Variants in CCDC88C observed in about 807,000 individuals in gnomAD.
CCDC88C encodes coiled-coil and HOOK domain protein 88C, also known as protein Daple.
A neutral mutation model predicts 198.8 loss-of-function variants in CCDC88C; 131 were observed. The observed-to-expected ratio is 0.66, with a 90% CI of 0.57 to 0.76. The LOEUF is 0.76. Ranked by LOEUF, CCDC88C falls within the 30% of genes least tolerant of loss-of-function variation. CCDC88C has a pLI of 0.00. For synonymous variants in CCDC88C, 1,166 were observed against 1,114.7 expected, an observed-to-expected ratio of 1.05 and a Z score of -0.92; for missense variants, 2,553 against 2,631.6, an observed-to-expected ratio of 0.97 and a Z score of 0.65.
At chr14:91,290,462 C>T (rs1385323016) in intron 24 of CCDC88C, among the ~76,000 whole-genome samples, 1 of 152,258 alleles carries the variant, frequency 6.6e-6, no homozygotes, top group African/African-American at 2.4e-5. Context: ...CAAGGGGCAG[C>T]ACTGCTAGGG....
intron 3 of CCDC88C, among the ~76,000 whole-genome samples, chr14:91,365,638 C>CT (rs1399432563): frequency 6.6e-6 from 1 of 152,174 alleles, no homozygotes; most frequent in African/African-American, 2.4e-5. Context: ...CAACAAGGTA[C>CT]TCAGCTCAAG....
intron 20 of CCDC88C, among the ~76,000 whole-genome samples, chr14:91,301,948 G>A (rs1891313323): frequency 6.6e-6 from 1 of 152,158 alleles, no homozygotes; most frequent in Admixed American, 6.5e-5. Context: ...GGGAAGACGA[G>A]GGAGAGATCA....
At chr14:91,376,786 C>T (rs1042776639) in intron 3 of CCDC88C, among the ~76,000 whole-genome samples, 1 of 152,298 alleles carries the variant, frequency 6.6e-6, no homozygotes, top group African/African-American at 2.4e-5. Context: ...GCTGGCTGCC[C>T]ACGACACCCA....
chr14:91,406,560 C>T (rs2140010046), intron 3 of CCDC88C, among the ~76,000 whole-genome samples: 1 of 152,364 alleles, frequency 6.6e-6, no homozygotes, highest in East Asian at 1.9e-4. Context: ...TCCCCAACTG[C>T]CCGCACGCAG....
At chr14:91,336,231 G>A (rs1257928164) in intron 10 of CCDC88C, among the ~76,000 whole-genome samples, 1 of 152,226 alleles carries the variant, frequency 6.6e-6, no homozygotes, top group Non-Finnish European at 1.5e-5. Context: ...CACAGCTTGT[G>A]TGTTTCTAGA....
chr14:91,417,410 G>A (rs1486153200), intron 1 of CCDC88C: 2 of 571,734 alleles, frequency 3.5e-6, no homozygotes, highest in Non-Finnish European at 6.1e-6. Context: ...CGAAAGCGCG[G>A]CGGGGTCCCG....
At chr14:91,365,032 G>A (rs2139914804) in intron 3 of CCDC88C, among the ~76,000 whole-genome samples, 1 of 152,248 alleles carries the variant, frequency 6.6e-6, no homozygotes, top group African/African-American at 2.4e-5. Flanking sequence ...CCCATGCTGG[G>A]TGGTGGGGCC....
rs150637648 is a variant in CCDC88C, at chr14:91,316,069, G to A, written c.1528-282C>T. 5.0e-3 allele frequency among the ~76,000 whole-genome samples: 762 copies of A among 152,296 alleles called. 2 individuals are homozygous for A. Among genetic ancestry groups the A allele is most frequent in the Middle Eastern group, 0.02 (6 of 294 alleles). ...GAGGCCGCCACCGCTGGGTGCCCTC[G>A]GGGGTTTCACACGCACCCAGCTTCC... On this transcript the variant is annotated intron_variant, in intron 13 of 29. Coordinates refer to ENST00000389857, the MANE Select transcript of CCDC88C (RefSeq NM_001080414.4).
intron 4 of CCDC88C, among the ~76,000 whole-genome samples, chr14:91,347,533 A>G (rs1232253203): frequency 4.6e-5 from 7 of 152,218 alleles, no homozygotes; most frequent in African/African-American, 1.4e-4. Flanking sequence ...GGACATGAAC[A>G]GACACTTCTC....
rs771414384 is a variant in CCDC88C at position 91,308,437 on chromosome 14, T to C, written c.2920A>G (p.Met974Val). 3 of 1,613,890 alleles carry C rather than the reference T, an allele frequency of 1.9e-6. No homozygotes were observed. The highest frequency in any genetic ancestry group is 2.2e-5 in the South Asian group (2 of 91,094). Residue 974 changes from methionine to valine, a missense_variant, in exon 17 of 30, where the codon ATG becomes GTG. Transcript: ENST00000389857. ...NESALKTTLAMKEEKIVLLEA... is the reference protein window; with the variant it reads ...NESALKTTLAVKEEKIVLLEA... ...AAGAGCACAATCTTTTCTTCTTTCATGGCTAGTGTTGTTTTTAATGCTGAT... is the reference window on the plus strand; with the variant it reads ...AAGAGCACAATCTTTTCTTCTTTCACGGCTAGTGTTGTTTTTAATGCTGAT...
intron 13 of CCDC88C, among the ~76,000 whole-genome samples, chr14:91,317,909 G>C (rs1405024990): frequency 6.6e-6 from 1 of 152,256 alleles, no homozygotes. Context: ...ACAGGGCAGA[G>C]AGATGCCTGG....
At chr14:91,332,026 T>C (rs530624918) in intron 10 of CCDC88C, among the ~76,000 whole-genome samples, 32 of 152,118 alleles carry the variant, frequency 2.1e-4, no homozygotes, top group Middle Eastern at 3.4e-3. Context: ...TCTCTGCCCC[T>C]GAGTGCAGAC....
intron 23 of CCDC88C, among the ~76,000 whole-genome samples, chr14:91,292,362 G>A (rs200643373): frequency 3.4e-5 from 5 of 148,564 alleles, no homozygotes; most frequent in East Asian, 4.0e-4. Context: ...ATGCAAAAAC[G>A]TCATCAAATA....
At chr14:91,392,982 C>T (rs111922792) in intron 3 of CCDC88C, among the ~76,000 whole-genome samples, 190 of 152,266 alleles carry the variant, frequency 1.2e-3, no homozygotes, top group African/African-American at 4.4e-3. Context: ...AGGAAAGGTG[C>T]TGGGGAAGGA....
At position 91,313,244 on chromosome 14, in the gene CCDC88C, T is replaced by C. The variant is rs1442126015; in HGVS notation, c.2572A>G (p.Ser858Gly). Residue 858 changes from serine to glycine, a missense_variant, in exon 15 of 30, where the codon AGC becomes GGC. Coordinates refer to ENST00000389857, the MANE Select transcript of CCDC88C (RefSeq NM_001080414.4). This position sits in a 1 kb window ranked among gnomAD's most constrained non-coding sequence, Gnocchi z 5.2. ...VELKDAVLDD[S>G]TAKLSAVEKE... ...TCAACGGCGGACAGTTTGGCAGTGC[T>C]ATCGTCCAAGACTGCATCCTTGAGC... The C allele has an allele frequency of 9.3e-6, 15 of 1,614,012 alleles. No homozygotes were observed. Among genetic ancestry groups the C allele is most frequent in the Non-Finnish European group, 1.3e-5 (15 of 1,179,892 alleles).
chr14:91,338,262 A>C lies in CCDC88C; in HGVS notation c.892-99T>G, dbSNP rs1893144012. The C allele has an allele frequency of 7.0e-7, 1 of 1,432,320 alleles. No homozygotes were observed. Among genetic ancestry groups the C allele is most frequent in the Non-Finnish European group, 9.5e-7 (1 of 1,050,900 alleles). The allele number at this position is 1,432,320 out of a possible 1,614,324, so 88.7% of individuals were successfully genotyped here. A position where few individuals can be genotyped will look rare whatever the true frequency, so the allele number is the denominator to read the frequency against. ...CTGCATGGTGTCTCCACGACGGCCC[A>C]GGACAAGCCAGCTCCTGGTGGCCGG... On this transcript the variant is annotated intron_variant, in intron 9 of 29. Coordinates refer to ENST00000389857, the MANE Select transcript of CCDC88C (RefSeq NM_001080414.4). This position sits in a 1 kb window ranked among gnomAD's most constrained non-coding sequence, Gnocchi z 4.8.
At chr14:91,309,684 A>T (rs1207154458) in intron 16 of CCDC88C, among the ~76,000 whole-genome samples, 175 bp downstream of exon 16, 1 of 152,152 alleles carries the variant, frequency 6.6e-6, no homozygotes, top group African/African-American at 2.4e-5. Context: ...GAGAACCTCA[A>T]GGAACAAGAG....
chr14:91,390,116 T>C (rs1358616952), intron 3 of CCDC88C, among the ~76,000 whole-genome samples: 1 of 149,912 alleles, frequency 6.7e-6, no homozygotes, highest in Non-Finnish European at 1.5e-5. Flanking sequence ...AAAGAGAAAA[T>C]ATAAGAAATG....
At chr14:91,362,931 GAA>G (rs201994753) in intron 3 of CCDC88C, among the ~76,000 whole-genome samples, 7 of 123,800 alleles carry the variant, frequency 5.7e-5, no homozygotes, top group Admixed American at 8.3e-5. Context: ...TCCATCTCAG[GAA>G]AAAAAAAAAA....
Sources: gnomAD v4.1 joint callset for allele counts (sites outside exome capture counted in the v4.1 genomes callset) on GRCh38, gnomAD v4.1.1 for gene constraint, Gnocchi (gnomAD v3.1) non-coding constraint, MANE v1.5 for transcripts, NCBI Gene and HGNC (gene_info 2026-07-23, HGNC 2026-07-21) for gene names.